The following RBFOX3 variants were observed in gnomAD, a reference collection of about 807,000 sequenced individuals.
The protein encoded by RBFOX3 is RNA binding protein fox-1 homolog 3.
Under a neutral mutation model 48.7 loss-of-function variants are expected in RBFOX3, and 17 were observed. The ratio of observed to expected loss-of-function variants is 0.35; its 90% CI spans 0.24 to 0.52. RBFOX3 has a LOEUF of 0.52. Among genes scored for constraint, RBFOX3 ranks in the 20% least tolerant of loss-of-function variants. RBFOX3 has a pLI of 0.94. For synonymous variants in RBFOX3, 212 were observed against 209.5 expected (o/e 1.01, Z -0.10); for missense variants, 382 against 497.5 (o/e 0.77, Z 2.21).
intron 4 of RBFOX3, among the ~76,000 whole-genome samples, chr17:79,213,949 G>A (rs963532518): frequency 2.0e-5 from 3 of 152,230 alleles, no homozygotes; most frequent in Admixed American, 6.5e-5. Flanking sequence ...AAGACATCGC[G>A]TGCTGCCTGT....
At chr17:79,619,621 A>G in the RBFOX3 span, among the ~76,000 whole-genome samples, 1 of 152,180 alleles carries the variant, frequency 6.6e-6, no homozygotes, top group East Asian at 1.9e-4. Flanking sequence ...CAGGCTCTGA[A>G]GTTCTAGGTG....
At position 79,248,295 on chromosome 17, in the gene RBFOX3, G is replaced by A. The variant is rs577149544; in HGVS notation, c.-73-12490C>T. ...GTCCCCTGGGCTGGAGTGCAGTGGC[G>A]CAATCTTGGCTCACTGCAACCTCCA... On this transcript the variant is annotated intron_variant, in intron 3 of 14. Transcript: ENST00000693108. Among the ~76,000 whole-genome samples the A allele has an allele frequency of 5.3e-5, 8 of 151,912 alleles. No individual in the cohort carries two copies. The South Asian group carries it at 6.2e-4, about 12-fold the overall frequency.
At chr17:79,494,760 C>G (rs367844649) in intron 1 of RBFOX3, among the ~76,000 whole-genome samples, 1 of 152,102 alleles carries the variant, frequency 6.6e-6, no homozygotes, top group Non-Finnish European at 1.5e-5. Context: ...AAGTGAGGCC[C>G]GTCAAGGACT....
intron 4 of RBFOX3, among the ~76,000 whole-genome samples, chr17:79,174,743 A>G (rs2050165112): frequency 6.6e-6 from 1 of 152,202 alleles, no homozygotes; most frequent in Admixed American, 6.5e-5. Context: ...ACGCACACAT[A>G]CACTGACGCA....
At position 79,561,000 on chromosome 17, in the gene RBFOX3, G is replaced by A. The variant is rs948799574; in HGVS notation, c.-320+49826C>T. ...GGACCCCAGCCAACTCTATGGGCCA[G>A]GCTCCCCACCAGACAGAGCTGGGGG... On this transcript the variant is annotated intron_variant, in intron 1 of 14. Transcript: ENST00000693108. Among the ~76,000 whole-genome samples the A allele has an allele frequency of 3.4e-4, 52 of 152,282 alleles. 1 individual carries two copies. In the East Asian group the frequency reaches 9.3e-3, roughly 27 times the overall value.
chr17:79,637,556 G>A, the RBFOX3 span, among the ~76,000 whole-genome samples: 10 of 151,828 alleles, frequency 6.6e-5, no homozygotes, highest in East Asian at 1.9e-4. Context: ...TTAGCCTGGC[G>A]TGGTGGCACA....
chr17:79,545,226 G>A (rs572036865), intron 1 of RBFOX3, among the ~76,000 whole-genome samples: 8 of 152,288 alleles, frequency 5.3e-5, no homozygotes, highest in South Asian at 4.1e-4. Context: ...TCAGAATCCC[G>A]CTCTGGGAAG....
intron 4 of RBFOX3, among the ~76,000 whole-genome samples, chr17:79,132,232 G>A (rs972432359): frequency 1.5e-4 from 19 of 129,348 alleles, no homozygotes; most frequent in Admixed American, 6.8e-4. Context: ...CAGGCACAGA[G>A]CCCAGGAGGG....
chr17:79,301,235 G>T (rs1183787227), intron 3 of RBFOX3, among the ~76,000 whole-genome samples: 1 of 152,210 alleles, frequency 6.6e-6, no homozygotes, highest in East Asian at 1.9e-4. Context: ...TGTCAAGAAG[G>T]ACTTTGCACA....
the RBFOX3 span, among the ~76,000 whole-genome samples, chr17:79,665,451 G>A: frequency 6.7e-6 from 1 of 150,358 alleles, no homozygotes; most frequent in Admixed American, 6.6e-5. Context: ...CCTGGAAACC[G>A]ACGCCGGGGT....
At chr17:79,352,421 C>A (rs766196440) in intron 2 of RBFOX3, among the ~76,000 whole-genome samples, 1 of 152,188 alleles carries the variant, frequency 6.6e-6, no homozygotes, top group Non-Finnish European at 1.5e-5. Flanking sequence ...TCCTGTGCAG[C>A]CTGCAGAACT....
chr17:79,447,017 G>A (rs1247713891), intron 2 of RBFOX3, among the ~76,000 whole-genome samples: 1 of 152,256 alleles, frequency 6.6e-6, no homozygotes, highest in Non-Finnish European at 1.5e-5. Flanking sequence ...AGCCTACCTT[G>A]GGTGAGGCTG....
intron 2 of RBFOX3, among the ~76,000 whole-genome samples, chr17:79,346,074 C>A (rs1247988611): frequency 6.6e-6 from 1 of 152,120 alleles, no homozygotes; most frequent in African/African-American, 2.4e-5. Context: ...GCACACACCA[C>A]CATACCTGGC....
At chr17:79,330,220 G>A (rs1280826262) in intron 2 of RBFOX3, among the ~76,000 whole-genome samples, 1 of 152,142 alleles carries the variant, frequency 6.6e-6, no homozygotes, top group Non-Finnish European at 1.5e-5. Flanking sequence ...TTTCCCCTGT[G>A]CCCCCTGACC....
In RBFOX3 at chr17:79,471,030, G is replaced by C. The variant is rs1319018908; in HGVS notation, c.-175+11424C>G. ...CACCACCACGAAAAAAATAACAGCA[G>C]AACCAGCCCTTCCTTTCTATTCACT... On this transcript the variant is annotated intron_variant, in intron 2 of 14. Coordinates refer to ENST00000693108, the MANE Select transcript of RBFOX3 (RefSeq NM_001350451.2). This position sits in a 1 kb window ranked among gnomAD's most constrained non-coding sequence, Gnocchi z 4.0. Among the ~76,000 whole-genome samples the C allele has an allele frequency of 6.6e-6, 1 of 152,100 alleles. No individual in the cohort carries two copies. Among genetic ancestry groups the C allele is most frequent in the African/African-American group, 2.4e-5 (1 of 41,402 alleles).
intron 1 of RBFOX3, among the ~76,000 whole-genome samples, chr17:79,516,728 G>A (rs943404710): frequency 2.6e-5 from 4 of 152,344 alleles, no homozygotes; most frequent in South Asian, 2.1e-4. Flanking sequence ...CCGAAAGCAC[G>A]CTGGAGCAAC....
At chr17:79,096,433 T>C (rs6501281) in intron 12 of RBFOX3, among the ~76,000 whole-genome samples, 3,563 of 152,246 alleles carry the variant, frequency 0.023, 133 homozygotes, top group African/African-American at 0.081. Context: ...GGGCGGCCCA[T>C]TAACTGCTCC....
chr17:79,422,509 C>T (rs4790034), intron 2 of RBFOX3, among the ~76,000 whole-genome samples: 29,720 of 152,132 alleles, frequency 0.2, 3,190 homozygotes, highest in East Asian at 0.4. Flanking sequence ...CAGGCTGCCT[C>T]CTCTGTCCTC....
intron 2 of RBFOX3, among the ~76,000 whole-genome samples, chr17:79,460,397 C>A (rs532148154): frequency 4.3e-4 from 65 of 152,304 alleles, no homozygotes; most frequent in African/African-American, 1.5e-3. Flanking sequence ...ATCCACCACA[C>A]TCCCACCACA....
Sources: allele counts gnomAD v4.1 joint callset (sites outside exome capture counted in the v4.1 genomes callset), GRCh38; gene constraint gnomAD v4.1.1; non-coding constraint Gnocchi (gnomAD v3.1); transcripts MANE v1.5; gene names NCBI Gene and HGNC (gene_info 2026-07-23, HGNC 2026-07-21).